KIF4A: variants seen among roughly 807,000 people sequenced by gnomAD.
KIF4A encodes chromosome-associated kinesin KIF4A.
A neutral mutation model predicts 105.9 loss-of-function variants in KIF4A; 7 were observed. The ratio of observed to expected loss-of-function variants is 0.07; its 90% confidence interval spans 0.04 to 0.12. The LOEUF (loss-of-function observed/expected upper bound fraction) is 0.12. KIF4A is among the 10% of genes least tolerant of loss of function. The probability of loss-of-function intolerance (pLI) is 1.00; values close to 1 mark genes in which losing one functional copy is unlikely to be tolerated. For synonymous variants in KIF4A, 281 were observed against 331.3 expected (o/e 0.85, Z 1.65); for missense variants, 558 against 929.2 (o/e 0.60, Z 5.19).
At chrX:70,321,716 ATCC>A (rs1223046065) in intron 7 of KIF4A, among the ~76,000 whole-genome samples, 1 of 111,318 alleles carries the variant, frequency 9.0e-6, no homozygotes, top group African/African-American at 3.3e-5. Context: ...AAAATATTTC[ATCC>A]TCCTCTTACT....
At chrX:70,363,694 A>G (rs1306355534) in intron 15 of KIF4A, among the ~76,000 whole-genome samples, 2 of 112,207 alleles carry the variant, frequency 1.8e-5, no homozygotes, top group East Asian at 2.8e-4. Context: ...CAGTGCTGCA[A>G]TAGACATACG....
At chrX:70,299,592 G>A (rs1180400203) in intron 5 of KIF4A, among the ~76,000 whole-genome samples, 1 of 111,371 alleles carries the variant, frequency 9.0e-6, no homozygotes, top group Non-Finnish European at 1.9e-5. Context: ...TGAAGTGCTC[G>A]ATAGCTACAT....
intron 25 of KIF4A, among the ~76,000 whole-genome samples, chrX:70,405,276 T>C (rs1451506950): frequency 3.6e-5 from 4 of 111,583 alleles, no homozygotes; most frequent in Non-Finnish European, 7.5e-5. Context: ...TGTAGCACTA[T>C]TTTAGTCTAA....
At chrX:70,390,004 G>A (rs1218930796) in intron 20 of KIF4A, among the ~76,000 whole-genome samples, 5 of 112,357 alleles carry the variant, frequency 4.5e-5, no homozygotes, top group Non-Finnish European at 7.5e-5. Context: ...CACGAATGCA[G>A]TATATCTCTT....
chrX:70,377,291 C>T (rs1049348425), intron 18 of KIF4A, among the ~76,000 whole-genome samples: 3 of 110,907 alleles, frequency 2.7e-5, no homozygotes, highest in Non-Finnish European at 3.8e-5. Context: ...AGACTGGTCT[C>T]GAACTCCTGG....
intron 29 of KIF4A, 37 bp from the exon 30 acceptor site, chrX:70,419,624 G>C: frequency 8.3e-7 from 1 of 1,208,072 alleles, no homozygotes; most frequent in Non-Finnish European, 1.1e-6. Flanking sequence ...AAACCTGGCA[G>C]CCAAATTTAT....
Position 70,361,389 on chromosome X carries a change from C to T in KIF4A, c.1674+7582C>T, listed in dbSNP as rs750675309. 1.8e-4 allele frequency: 21 copies of T among 114,189 alleles called. 1 individual carries two copies. The highest frequency in any genetic ancestry group is 1.7e-3 in the Admixed American group (19 of 10,863). 9.4% of individuals were successfully genotyped at this position (114,189 alleles called of 1,213,427 possible). On this transcript the variant is annotated intron_variant, in intron 15 of 30. Transcript: ENST00000374403. The stretch of plus-strand genomic sequence containing the variant: ...CCACAACAGTCACATGCTGAAGCTT[C>T]CGTCTGCAATGTCTGGTGGCAGAGT...
At chrX:70,340,401 GTTAAAC>G (rs754362236) in intron 10 of KIF4A, among the ~76,000 whole-genome samples, 4 of 111,828 alleles carry the variant, frequency 3.6e-5, no homozygotes, top group East Asian at 2.8e-4. Context: ...AAAATCAACA[GTTAAAC>G]TTAAATATGA....
At chrX:70,350,255 C>T (rs2086023623) in intron 13 of KIF4A, among the ~76,000 whole-genome samples, 1 of 111,137 alleles carries the variant, frequency 9.0e-6, no homozygotes, top group African/African-American at 3.3e-5. Flanking sequence ...GAGGCCGAGG[C>T]GGGCAGATCA....
In KIF4A at chrX:70,384,618, G is replaced by T. The variant is rs764960195; in HGVS notation, c.2035-2000G>T. Among the ~76,000 whole-genome samples, 6 of 110,180 alleles carry T rather than the reference G, an allele frequency of 5.4e-5. No individual in the cohort carries two copies. The South Asian group carries it at 2.0e-3, about 37-fold the overall frequency. On this transcript the variant is annotated intron_variant, in intron 18 of 30. Coordinates refer to ENST00000374403, the MANE Select transcript of KIF4A (RefSeq NM_012310.5). ...ACATGCCTGTAATCCCAGCTACTCA[G>T]GAGGCTGAGGCAGGAGAATCGCTTG...
At chrX:70,308,363 T>C (rs886279662) in intron 7 of KIF4A, among the ~76,000 whole-genome samples, 3 of 112,390 alleles carry the variant, frequency 2.7e-5, no homozygotes, top group African/African-American at 9.7e-5. Context: ...ATACAAGTAA[T>C]ACATGAATAG....
chrX:70,369,461 A>T (rs1386093053), intron 15 of KIF4A, among the ~76,000 whole-genome samples: 2 of 112,270 alleles, frequency 1.8e-5, no homozygotes, highest in Non-Finnish European at 3.8e-5. Context: ...TCAAATGTTG[A>T]CAAGGGTGCA....
chrX:70,298,702 T>C (rs1402698839), intron 4 of KIF4A, among the ~76,000 whole-genome samples: 1 of 112,702 alleles, frequency 8.9e-6, no homozygotes, highest in Non-Finnish European at 1.9e-5. Flanking sequence ...TTCTGTTTCA[T>C]ATTGAAATAT....
chrX:70,334,646 G>C (rs956741114), intron 10 of KIF4A, among the ~76,000 whole-genome samples: 20 of 112,170 alleles, frequency 1.8e-4, no homozygotes, highest in African/African-American at 6.5e-4. Flanking sequence ...ATCTAAGCAA[G>C]ATAATGTTTC....
chrX:70,417,427 G>A (rs984568853), intron 28 of KIF4A, among the ~76,000 whole-genome samples: 3 of 111,738 alleles, frequency 2.7e-5, no homozygotes, highest in Non-Finnish European at 3.8e-5. Context: ...CAGGTGGATC[G>A]CCTGAGGTCG....
intron 15 of KIF4A, among the ~76,000 whole-genome samples, chrX:70,361,302 A>G (rs1446886205): frequency 8.8e-6 from 1 of 113,794 alleles, no homozygotes; most frequent in Non-Finnish European, 1.9e-5. Context: ...TTTGAGGTGC[A>G]GCATGCATGG....
At chrX:70,344,115 G>C in intron 13 of KIF4A, 133 bp downstream of exon 13, 1 of 476,766 alleles carries the variant, frequency 2.1e-6, no homozygotes, top group Non-Finnish European at 3.7e-6. Context: ...AGAGGTCGTG[G>C]ATCATTTGAT....
intron 18 of KIF4A, among the ~76,000 whole-genome samples, chrX:70,382,489 G>A (rs890363385): frequency 1.8e-5 from 2 of 111,795 alleles, no homozygotes; most frequent in African/African-American, 3.3e-5. Context: ...AAACCTAAAC[G>A]TACGAGCTAA....
In KIF4A at chrX:70,368,929, T is replaced by C. The variant is rs1026339676; in HGVS notation, c.1675-5222T>C. On this transcript the variant is annotated intron_variant, in intron 15 of 30. Coordinates refer to ENST00000374403, the MANE Select transcript of KIF4A (RefSeq NM_012310.5). ...GAGCTTCCCAGCCTCTTTGTTTACC[T>C]ACTCAAGCCTAGGCAATGGTGGGCG... Among the ~76,000 whole-genome samples the C allele has an allele frequency of 2.7e-5, 3 of 112,009 alleles. No individual in the cohort carries two copies. The Admixed American group carries it at 2.8e-4, about 11-fold the overall frequency.
Sources: allele counts gnomAD v4.1 joint callset (sites outside exome capture counted in the v4.1 genomes callset), GRCh38; gene constraint gnomAD v4.1.1; transcripts MANE v1.5; gene names NCBI Gene and HGNC (gene_info 2026-07-23, HGNC 2026-07-21).